ATRNL1: variants seen among roughly 807,000 people sequenced by gnomAD.
ATRNL1 encodes attractin-like protein 1.
A neutral mutation model predicts 182.7 loss-of-function variants in ATRNL1; 95 were observed. The ratio of observed to expected loss-of-function variants is 0.52; its 90% confidence interval spans 0.44 to 0.62. The LOEUF (loss-of-function observed/expected upper bound fraction) is 0.62. ATRNL1 is among the 20% of genes least tolerant of loss of function. The probability of loss-of-function intolerance (pLI) is 0.00; values close to 1 mark genes in which losing one functional copy is unlikely to be tolerated. For synonymous variants in ATRNL1, 576 were observed against 568.3 expected (o/e 1.01, Z -0.19); for missense variants, 1,471 against 1,679.5 (o/e 0.88, Z 2.17).
chr10:115,322,799 A>G (rs141073001), intron 18 of ATRNL1, among the ~76,000 whole-genome samples: 59 of 152,214 alleles, frequency 3.9e-4, no homozygotes, highest in African/African-American at 1.1e-3. Flanking sequence ...TTTTGAGTAT[A>G]TATTATTATA....
chr10:115,555,053 G>T (rs570761636), intron 26 of ATRNL1, among the ~76,000 whole-genome samples: 1 of 151,646 alleles, frequency 6.6e-6, no homozygotes, highest in Non-Finnish European at 1.5e-5. Context: ...ATGCTAAAAA[G>T]TTCATTTTTT....
chr10:115,856,959 T>C (rs1555102301), intron 28 of ATRNL1, among the ~76,000 whole-genome samples: 3 of 152,144 alleles, frequency 2.0e-5, no homozygotes, highest in Non-Finnish European at 1.5e-5. Context: ...ATGCAGATTT[T>C]CTTCTGTCTC....
At chr10:115,442,303 CTG>C (rs67934464) in intron 21 of ATRNL1, among the ~76,000 whole-genome samples, 22,548 of 123,512 alleles carry the variant, frequency 0.18, 2,357 homozygotes, top group Non-Finnish European at 0.26. Context: ...CTCTCTCTCT[CTG>C]TGTGTATGTG....
At chr10:115,347,150 T>C (rs1479472196) in intron 19 of ATRNL1, among the ~76,000 whole-genome samples, 1 of 152,188 alleles carries the variant, frequency 6.6e-6, no homozygotes, top group Non-Finnish European at 1.5e-5. Flanking sequence ...TAATTTTTGT[T>C]ACTGACGTGA....
intron 26 of ATRNL1, among the ~76,000 whole-genome samples, chr10:115,648,078 T>C (rs949904614): frequency 6.6e-6 from 1 of 152,182 alleles, no homozygotes; most frequent in Admixed American, 6.6e-5. Flanking sequence ...CTTGTTTTTG[T>C]CAGGTTTGTC....
At chr10:115,606,398 A>C (rs1856873559) in intron 26 of ATRNL1, among the ~76,000 whole-genome samples, 1 of 152,070 alleles carries the variant, frequency 6.6e-6, no homozygotes, top group Admixed American at 6.6e-5. Flanking sequence ...ATGTTCATTA[A>C]GAAGTAGTCT....
At chr10:115,537,863 A>G (rs1852129533) in intron 25 of ATRNL1, among the ~76,000 whole-genome samples, 1 of 152,136 alleles carries the variant, frequency 6.6e-6, no homozygotes, top group African/African-American at 2.4e-5. Flanking sequence ...TGAATACCTC[A>G]TAGAGCCTTC....
chr10:115,628,014 G>A lies in ATRNL1; in HGVS notation c.3795+78478G>A, dbSNP rs1858218557. ...ATACAAAAATTAGCTGGGCATGGTGGTGTGCACCTGTAATTCCAGCTACTT... is the reference window on the plus strand; with the variant it reads ...ATACAAAAATTAGCTGGGCATGGTGATGTGCACCTGTAATTCCAGCTACTT... On this transcript the variant is annotated intron_variant, in intron 26 of 28. Transcript: ENST00000355044. Among the ~76,000 whole-genome samples the A allele has an allele frequency of 3.9e-5, 6 of 151,900 alleles. No individual in the cohort carries two copies. In the South Asian group the frequency reaches 1.0e-3, roughly 26 times the overall value.
At chr10:115,627,597 C>T (rs532088722) in intron 26 of ATRNL1, among the ~76,000 whole-genome samples, 1 of 152,206 alleles carries the variant, frequency 6.6e-6, no homozygotes, top group East Asian at 1.9e-4. Flanking sequence ...AACTGCTGAC[C>T]TCAAGTGATG....
intron 26 of ATRNL1, among the ~76,000 whole-genome samples, chr10:115,711,414 G>C (rs1947060488): frequency 6.6e-6 from 1 of 152,116 alleles, no homozygotes; most frequent in Non-Finnish European, 1.5e-5. Flanking sequence ...TCACCTCCTT[G>C]GAACACAATG....
intron 28 of ATRNL1, among the ~76,000 whole-genome samples, chr10:115,877,044 A>G (rs1447181408): frequency 6.6e-6 from 1 of 152,244 alleles, no homozygotes; most frequent in Non-Finnish European, 1.5e-5. Flanking sequence ...CTTTATAAGC[A>G]ATTGTAAACT....
intron 21 of ATRNL1, among the ~76,000 whole-genome samples, chr10:115,436,074 T>C (rs1262035433): frequency 6.6e-6 from 1 of 152,132 alleles, no homozygotes; most frequent in Non-Finnish European, 1.5e-5. Context: ...CAAGTAAAAG[T>C]TGCTTTAAGT....
At chr10:115,915,411 ATT>A (rs59444404) in intron 28 of ATRNL1, among the ~76,000 whole-genome samples, 3 of 149,070 alleles carry the variant, frequency 2.0e-5, no homozygotes, top group African/African-American at 7.6e-5. Context: ...AAAAAAAAAA[ATT>A]TTTTTTGACA....
At chr10:115,194,524 T>G (rs1202591283) in intron 8 of ATRNL1, among the ~76,000 whole-genome samples, 1 of 151,976 alleles carries the variant, frequency 6.6e-6, no homozygotes, top group Non-Finnish European at 1.5e-5. Flanking sequence ...GCTTTTTTTT[T>G]GTTTGTTTGT....
At chr10:115,185,004 T>G (rs1235483642) in intron 8 of ATRNL1, among the ~76,000 whole-genome samples, 1 of 151,956 alleles carries the variant, frequency 6.6e-6, no homozygotes, top group Non-Finnish European at 1.5e-5. Flanking sequence ...AGTAAATATA[T>G]TTTTTTGGGA....
At chr10:115,203,506 C>T (rs1848674256) in intron 8 of ATRNL1, among the ~76,000 whole-genome samples, 1 of 151,258 alleles carries the variant, frequency 6.6e-6, no homozygotes, top group African/African-American at 2.4e-5. Flanking sequence ...ACAAAATGTA[C>T]TCTTCTTGAG....
intron 24 of ATRNL1, among the ~76,000 whole-genome samples, chr10:115,502,927 C>T (rs1244367139): frequency 6.6e-6 from 1 of 152,106 alleles, no homozygotes; most frequent in African/African-American, 2.4e-5. Context: ...CACATCCCCA[C>T]CTCCTCTGCG....
intron 26 of ATRNL1, among the ~76,000 whole-genome samples, chr10:115,683,781 T>C (rs1946130762): frequency 6.6e-6 from 1 of 151,874 alleles, no homozygotes; most frequent in Non-Finnish European, 1.5e-5. Context: ...AATTCCTAAG[T>C]TGAAATTTGT....
intron 27 of ATRNL1, among the ~76,000 whole-genome samples, chr10:115,806,080 G>C (rs1306736476): frequency 6.6e-6 from 1 of 152,120 alleles, no homozygotes; most frequent in Non-Finnish European, 1.5e-5. Flanking sequence ...TGGGAATATA[G>C]TGGAATAATG....
Sources: gnomAD v4.1 joint callset for allele counts (sites outside exome capture counted in the v4.1 genomes callset) on GRCh38, gnomAD v4.1.1 for gene constraint, MANE v1.5 for transcripts, NCBI Gene and HGNC (gene_info 2026-07-23, HGNC 2026-07-21) for gene names.